The following CCSER1 variants were observed in gnomAD, a reference collection of about 807,000 sequenced individuals.
CCSER1 encodes coiled-coil serine rich protein 1, also known as serine-rich coiled-coil domain-containing protein 1.
A neutral mutation model predicts 82.0 loss-of-function variants in CCSER1; 41 were observed. That is an observed-to-expected ratio of 0.50 (90% CI 0.39 to 0.65). The LOEUF (loss-of-function observed/expected upper bound fraction) is 0.65. Ranked by LOEUF, CCSER1 falls within the 30% of genes least tolerant of loss-of-function variation. The probability of loss-of-function intolerance (pLI) is 0.00; values close to 1 mark genes in which losing one functional copy is unlikely to be tolerated. For missense variants in CCSER1, 1,119 were observed against 1,064.2 expected (o/e 1.05, Z -0.72); for synonymous variants, 414 against 383.9 (o/e 1.08, Z -0.92).
intron 7 of CCSER1, among the ~76,000 whole-genome samples, chr4:90,762,727 C>A (rs972090823): frequency 3.9e-5 from 6 of 152,010 alleles, no homozygotes; most frequent in Non-Finnish European, 8.8e-5. Flanking sequence ...TGAAAAAATA[C>A]ATGTAGTGGG....
At chr4:91,347,724 G>T (rs1439260682) in intron 10 of CCSER1, among the ~76,000 whole-genome samples, 1 of 151,542 alleles carries the variant, frequency 6.6e-6, no homozygotes, top group Non-Finnish European at 1.5e-5. Flanking sequence ...CAATTTTTGA[G>T]ATGTACTAAT....
At chr4:91,177,705 C>G (rs1733548168) in intron 10 of CCSER1, among the ~76,000 whole-genome samples, 1 of 152,096 alleles carries the variant, frequency 6.6e-6, no homozygotes, top group African/African-American at 2.4e-5. Context: ...TGATTCTTCT[C>G]TCTTTTCTTC....
chr4:91,427,102 C>T (rs1455138708), intron 10 of CCSER1, among the ~76,000 whole-genome samples: 1 of 152,124 alleles, frequency 6.6e-6, no homozygotes, highest in East Asian at 1.9e-4. Context: ...TAACCATCTT[C>T]ATTCAAATGG....
intron 10 of CCSER1, among the ~76,000 whole-genome samples, chr4:91,103,612 C>T (rs1055309235): frequency 2.0e-5 from 3 of 152,098 alleles, no homozygotes; most frequent in Non-Finnish European, 4.4e-5. Flanking sequence ...GGACGTTTAT[C>T]AGTTCCCAAA....
At chr4:90,317,208 A>G (rs1736325261) in intron 3 of CCSER1, among the ~76,000 whole-genome samples, 1 of 152,202 alleles carries the variant, frequency 6.6e-6, no homozygotes, top group Non-Finnish European at 1.5e-5. Context: ...ACTCTCTAAA[A>G]AAGTTAATGT....
intron 10 of CCSER1, among the ~76,000 whole-genome samples, chr4:91,375,354 A>G (rs1002356980): frequency 6.6e-6 from 1 of 152,214 alleles, no homozygotes; most frequent in Non-Finnish European, 1.5e-5. Context: ...AAATTAGAAC[A>G]TTACATAAAC....
chr4:91,098,544 ATT>A (rs1273556605), intron 10 of CCSER1, among the ~76,000 whole-genome samples: 10 of 145,480 alleles, frequency 6.9e-5, no homozygotes, highest in Non-Finnish European at 3.0e-5. Context: ...ACTGGAGATA[ATT>A]TTTTTTTTTT....
At chr4:90,172,071 A>T (rs1477884863) in intron 1 of CCSER1, among the ~76,000 whole-genome samples, 1 of 151,846 alleles carries the variant, frequency 6.6e-6, no homozygotes, top group Non-Finnish European at 1.5e-5. Context: ...TTGGAATTCA[A>T]ATTTTTCTCT....
At chr4:91,188,125 G>A (rs1392931866) in intron 10 of CCSER1, among the ~76,000 whole-genome samples, 3 of 151,844 alleles carry the variant, frequency 2.0e-5, no homozygotes, top group East Asian at 1.9e-4. Flanking sequence ...TATCTACCAC[G>A]ATTCTTCATC....
intron 10 of CCSER1, among the ~76,000 whole-genome samples, chr4:91,564,492 C>T (rs903949507): frequency 1.3e-5 from 2 of 152,066 alleles, no homozygotes; most frequent in Admixed American, 1.3e-4. Context: ...AATGGTTGAA[C>T]TAATTTACAC....
rs183267228 is a variant in CCSER1 at position 91,339,713 on chromosome 4, C to A, written c.2217+253719C>A. Reference sequence around the variant, plus strand: ...TGGTAGGGAAGATACAGCTCTCCCCCTCTTCTCTGTAGGGGATACATTCCA... The same window carrying A: ...TGGTAGGGAAGATACAGCTCTCCCCATCTTCTCTGTAGGGGATACATTCCA... On this transcript the variant is annotated intron_variant, in intron 10 of 10. Coordinates refer to ENST00000509176, the MANE Select transcript of CCSER1 (RefSeq NM_001145065.2). Among the ~76,000 whole-genome samples the A allele has an allele frequency of 1.1e-3, 163 of 152,266 alleles. 1 individual carries two copies. Among genetic ancestry groups the A allele is most frequent in the Admixed American group, 4.0e-3 (61 of 15,286 alleles).
chr4:91,246,646 T>C (rs966034233), intron 10 of CCSER1, among the ~76,000 whole-genome samples: 7 of 152,100 alleles, frequency 4.6e-5, no homozygotes, highest in African/African-American at 1.7e-4. Context: ...TAAGTGTCCA[T>C]CAACAACAAA....
chr4:91,450,236 T>C (rs539757679), intron 10 of CCSER1, among the ~76,000 whole-genome samples: 242 of 152,114 alleles, frequency 1.6e-3, no homozygotes, highest in African/African-American at 5.7e-3. Context: ...ATACCGACGA[T>C]CATGAATTTC....
At chr4:90,865,074 C>G (rs2150004158) in intron 8 of CCSER1, among the ~76,000 whole-genome samples, 1 of 151,752 alleles carries the variant, frequency 6.6e-6, no homozygotes, top group Middle Eastern at 3.4e-3. Context: ...TTGGTGAATC[C>G]AATATATTCT....
At position 91,440,655 on chromosome 4, in the gene CCSER1, C is replaced by A. The variant is rs111943461; in HGVS notation, c.2218-157917C>A. Reference sequence around the variant, plus strand: ...TGAAGGAAATAGAGACACAAAAAACCCTTCAAAAAATTAATGAATCCAGGA... The same window carrying A: ...TGAAGGAAATAGAGACACAAAAAACACTTCAAAAAATTAATGAATCCAGGA... On this transcript the variant is annotated intron_variant, in intron 10 of 10. Transcript: ENST00000509176. 5.3e-5 allele frequency among the ~76,000 whole-genome samples: 8 copies of A among 152,140 alleles called. 1 individual carries two copies. Among genetic ancestry groups the A allele is most frequent in the African/African-American group, 1.9e-4 (8 of 41,518 alleles).
intron 7 of CCSER1, among the ~76,000 whole-genome samples, chr4:90,769,295 C>G (rs2149554923): frequency 6.6e-6 from 1 of 152,170 alleles, no homozygotes; most frequent in East Asian, 1.9e-4. Context: ...GTTATAGATG[C>G]AGAAACATTT....
intron 10 of CCSER1, among the ~76,000 whole-genome samples, chr4:91,411,547 A>G (rs1357256104): frequency 1.7e-5 from 2 of 116,958 alleles, no homozygotes; most frequent in African/African-American, 6.8e-5. Flanking sequence ...TAGTTAATAT[A>G]TTTAATATTT....
At chr4:90,853,673 G>A (rs929886883) in intron 8 of CCSER1, among the ~76,000 whole-genome samples, 16 of 152,080 alleles carry the variant, frequency 1.1e-4, no homozygotes, top group African/African-American at 3.1e-4. Context: ...GAACATGTTG[G>A]TTTAAACAAA....
At chr4:91,447,119 G>A (rs544678170) in intron 10 of CCSER1, among the ~76,000 whole-genome samples, 8 of 152,096 alleles carry the variant, frequency 5.3e-5, no homozygotes, top group Non-Finnish European at 7.4e-5. Flanking sequence ...GAGTTTAGGC[G>A]TCTTAAGCTT....
Sources: allele counts gnomAD v4.1 joint callset (sites outside exome capture counted in the v4.1 genomes callset), GRCh38; gene constraint gnomAD v4.1.1; transcripts MANE v1.5; gene names NCBI Gene and HGNC (gene_info 2026-07-23, HGNC 2026-07-21).